The following HDAC9 variants were observed in gnomAD, a reference collection of about 807,000 sequenced individuals.
HDAC9 encodes MEF-2 interacting transcription repressor (MITR) protein.
Under a neutral mutation model 139.4 loss-of-function variants are expected in HDAC9, and 41 were observed. The ratio of observed to expected loss-of-function variants is 0.29; its 90% CI spans 0.23 to 0.38. The LOEUF is 0.38. Among genes scored for constraint, HDAC9 ranks in the 10% least tolerant of loss-of-function variants. The pLI, the probability that HDAC9 is intolerant of heterozygous loss-of-function variation, is 1.00. For synonymous variants in HDAC9, 517 were observed against 476.2 expected (o/e 1.09, Z -1.12); for missense variants, 1,147 against 1,297.0 (o/e 0.88, Z 1.78).
chr7:18,727,857 A>C, intron 13 of HDAC9, 100 bp downstream of exon 13: 1 of 977,694 alleles, frequency 1.0e-6, no homozygotes, highest in Non-Finnish European at 1.4e-6. Flanking sequence ...ATAGCAGAAC[A>C]CTCCATTTTA....
intron 2 of HDAC9, among the ~76,000 whole-genome samples, chr7:18,521,549 GCTAT>G (rs1265388028): frequency 2.0e-5 from 3 of 152,050 alleles, no homozygotes; most frequent in African/African-American, 4.8e-5. Context: ...TTAAAAAATT[GCTAT>G]CTATTTTTTC....
chr7:18,592,917 A>C (rs1005978575), intron 5 of HDAC9, among the ~76,000 whole-genome samples: 3 of 152,164 alleles, frequency 2.0e-5, no homozygotes, highest in African/African-American at 4.8e-5. Context: ...ATTAAATGAG[A>C]AACAGCTACA....
At chr7:18,890,149 C>A (rs992825380) in intron 22 of HDAC9, among the ~76,000 whole-genome samples, 2 of 152,212 alleles carry the variant, frequency 1.3e-5, no homozygotes, top group African/African-American at 4.8e-5. Flanking sequence ...TAAAGCCTGA[C>A]ATTTAGCAAG....
intron 2 of HDAC9, among the ~76,000 whole-genome samples, chr7:18,205,832 T>C (rs976961238): frequency 2.0e-5 from 3 of 152,130 alleles, no homozygotes; most frequent in Non-Finnish European, 4.4e-5. Flanking sequence ...TAATTCAGTG[T>C]TTGATTTATT....
chr7:18,298,410 A>G (rs920335844), intron 1 of HDAC9, among the ~76,000 whole-genome samples: 7 of 151,852 alleles, frequency 4.6e-5, no homozygotes, highest in Non-Finnish European at 1.0e-4. Flanking sequence ...AGCATTAGGT[A>G]TATCTTCCAA....
chr7:18,820,735 A>G (rs1794902292), intron 17 of HDAC9, among the ~76,000 whole-genome samples: 1 of 152,198 alleles, frequency 6.6e-6, no homozygotes, highest in South Asian at 2.1e-4. Flanking sequence ...TAAAATGGTG[A>G]GCAAAAAGTA....
At chr7:18,707,172 C>A (rs531068425) in intron 12 of HDAC9, among the ~76,000 whole-genome samples, 11 of 152,284 alleles carry the variant, frequency 7.2e-5, no homozygotes, top group Admixed American at 2.0e-4. Context: ...GCGTGGAAGC[C>A]AGTGAAGGAG....
intron 1 of HDAC9, among the ~76,000 whole-genome samples, chr7:18,442,212 A>G (rs765179345): frequency 3.9e-5 from 6 of 152,228 alleles, no homozygotes; most frequent in Non-Finnish European, 8.8e-5. Context: ...TTTTGACATC[A>G]TATTTACAGG....
At chr7:18,609,268 T>C (rs190131454) in intron 6 of HDAC9, among the ~76,000 whole-genome samples, 2 of 152,306 alleles carry the variant, frequency 1.3e-5, no homozygotes, top group East Asian at 1.9e-4. Flanking sequence ...CCACTTGAAA[T>C]TGAACACTTG....
intron 21 of HDAC9, among the ~76,000 whole-genome samples, chr7:18,840,135 C>A (rs972914594): frequency 6.6e-6 from 1 of 151,810 alleles, no homozygotes. Context: ...AAATATAAGC[C>A]CCTTCAATTT....
At chr7:18,594,076 TG>T in intron 6 of HDAC9, 47 bp downstream of exon 6, 1 of 1,603,470 alleles carries the variant, frequency 6.2e-7, no homozygotes, top group Admixed American at 1.7e-5. Flanking sequence ...GTAACACACC[TG>T]TAAGTTTCAT....
intron 22 of HDAC9, among the ~76,000 whole-genome samples, chr7:18,895,928 A>G (rs548612457): frequency 2.6e-5 from 4 of 152,244 alleles, no homozygotes; most frequent in Admixed American, 1.3e-4. Flanking sequence ...AGGGAGAGGT[A>G]GCAGTTTCTT....
At chr7:18,788,352 C>G (rs1285546766) in intron 16 of HDAC9, among the ~76,000 whole-genome samples, 1 of 152,152 alleles carries the variant, frequency 6.6e-6, no homozygotes, top group African/African-American at 2.4e-5. Context: ...CTACAGGAAC[C>G]AAGAGCATCT....
intron 2 of HDAC9, among the ~76,000 whole-genome samples, chr7:18,169,661 C>G (rs1788271545): frequency 6.6e-6 from 1 of 152,016 alleles, no homozygotes; most frequent in African/African-American, 2.4e-5. Context: ...CGCCCTATGT[C>G]CAAGTGTTCT....
intron 2 of HDAC9, among the ~76,000 whole-genome samples, chr7:18,239,345 T>C (rs1326599906): frequency 6.6e-6 from 1 of 152,172 alleles, no homozygotes; most frequent in Non-Finnish European, 1.5e-5. Context: ...CAGCACCCTC[T>C]TGTCTGACAT....
chr7:18,457,652 G>C (rs1044654325), intron 1 of HDAC9, among the ~76,000 whole-genome samples: 3 of 152,094 alleles, frequency 2.0e-5, no homozygotes, highest in Non-Finnish European at 2.9e-5. Context: ...ATAAACGTCT[G>C]CTCTAATTAA....
At chr7:18,099,330 C>T (rs149382599) in intron 1 of HDAC9, among the ~76,000 whole-genome samples, 146 of 151,850 alleles carry the variant, frequency 9.6e-4, no homozygotes, top group African/African-American at 3.2e-3. Flanking sequence ...TAGCTGGGTG[C>T]GGTGGTGGGC....
intron 22 of HDAC9, among the ~76,000 whole-genome samples, chr7:18,888,178 T>C (rs1800336482): frequency 6.6e-6 from 1 of 152,188 alleles, no homozygotes; most frequent in East Asian, 1.9e-4. Context: ...TCCCAGCACT[T>C]TGGGAGGCCG....
chr7:18,510,566 A>G (rs1801185377), intron 2 of HDAC9, among the ~76,000 whole-genome samples: 1 of 152,144 alleles, frequency 6.6e-6, no homozygotes, highest in South Asian at 2.1e-4. Context: ...GAAATAATTT[A>G]TCCCCACAAT....
Sources: gnomAD v4.1 joint callset for allele counts (sites outside exome capture counted in the v4.1 genomes callset) on GRCh38, gnomAD v4.1.1 for gene constraint, MANE v1.5 for transcripts, NCBI Gene and HGNC (gene_info 2026-07-23, HGNC 2026-07-21) for gene names.